The following KIF16B variants were observed in gnomAD, a reference collection of about 807,000 sequenced individuals.
KIF16B encodes kinesin-like protein KIF16B.
In KIF16B, 98 loss-of-function variants were observed where a neutral mutation model predicts 156.3. The ratio of observed to expected loss-of-function variants is 0.63; its 90% CI spans 0.53 to 0.74. The LOEUF (loss-of-function observed/expected upper bound fraction) is 0.74. Among genes scored for constraint, KIF16B ranks in the 30% least tolerant of loss-of-function variants. The pLI, the probability that KIF16B is intolerant of heterozygous loss-of-function variation, is 0.00. For missense variants in KIF16B, 1,421 were observed against 1,606.5 expected (o/e 0.88, Z 1.97); for synonymous variants, 564 against 583.7 (o/e 0.97, Z 0.49).
chr20:16,518,242 A>T (rs1377185583), intron 3 of KIF16B, among the ~76,000 whole-genome samples: 1 of 152,172 alleles, frequency 6.6e-6, no homozygotes, highest in Admixed American at 6.6e-5. Context: ...GGTCTTGGCA[A>T]GGAAATCGAG....
At chr20:16,367,491 C>T (rs2064700027) in intron 22 of KIF16B, 1 of 1,612,900 alleles carries the variant, frequency 6.2e-7, no homozygotes. Flanking sequence ...CACAGTCTTC[C>T]TTCACCAGTG....
intron 25 of KIF16B, among the ~76,000 whole-genome samples, chr20:16,279,687 A>G (rs764868709): frequency 6.6e-6 from 1 of 152,306 alleles, no homozygotes; most frequent in Non-Finnish European, 1.5e-5. Flanking sequence ...CAGATAGGTC[A>G]GAGTATCCCG....
chr20:16,349,381 A>G (rs991897637), intron 23 of KIF16B, among the ~76,000 whole-genome samples: 1 of 152,138 alleles, frequency 6.6e-6, no homozygotes, highest in African/African-American at 2.4e-5. Context: ...GGAGGCCACC[A>G]TGTCATCAAG....
intron 25 of KIF16B, among the ~76,000 whole-genome samples, chr20:16,281,823 A>G (rs1461434158): frequency 6.6e-6 from 1 of 151,640 alleles, no homozygotes; most frequent in African/African-American, 2.4e-5. Context: ...ACCATCCTCC[A>G]CTGCTCAGAG....
intron 12 of KIF16B, among the ~76,000 whole-genome samples, chr20:16,447,054 C>CT (rs764699837): frequency 2.0e-5 from 3 of 152,134 alleles, no homozygotes; most frequent in Non-Finnish European, 4.4e-5. Flanking sequence ...CCCTTGGAAA[C>CT]TAAGTGAGCA....
chr20:16,514,582 GAAAAAAAAAAAAA>G (rs540602451), intron 4 of KIF16B, among the ~76,000 whole-genome samples: 4 of 76,948 alleles, frequency 5.2e-5, no homozygotes, highest in Non-Finnish European at 7.5e-5. Context: ...TAAGAAATAA[GAAAAAAAAAAAAA>G]AAAAAAAAAA....
intron 25 of KIF16B, among the ~76,000 whole-genome samples, chr20:16,278,687 C>T (rs2328013): frequency 0.32 from 48,440 of 152,010 alleles, 9,289 homozygotes; most frequent in East Asian, 0.94. Flanking sequence ...AACACAAAAT[C>T]CTGTACAGGA....
At chr20:16,353,289 G>A (rs939519091) in intron 23 of KIF16B, among the ~76,000 whole-genome samples, 5 of 152,046 alleles carry the variant, frequency 3.3e-5, no homozygotes, top group African/African-American at 1.2e-4. Context: ...CGCATGAAAT[G>A]TCCAAATGAC....
At chr20:16,372,772 A>G (rs1018942336) in intron 20 of KIF16B, among the ~76,000 whole-genome samples, 2 of 152,140 alleles carry the variant, frequency 1.3e-5, no homozygotes, top group African/African-American at 4.8e-5. Context: ...ATCTTGGCTC[A>G]CTGCAACCTC....
intron 25 of KIF16B, among the ~76,000 whole-genome samples, chr20:16,280,660 G>A (rs780144428): frequency 2.2e-4 from 33 of 152,334 alleles, no homozygotes; most frequent in Non-Finnish European, 3.2e-4. Flanking sequence ...CAGGTCATAA[G>A]AGGCTGACAA....
At chr20:16,437,908 G>A (rs1023683250) in intron 12 of KIF16B, among the ~76,000 whole-genome samples, 19 of 151,686 alleles carry the variant, frequency 1.3e-4, no homozygotes, top group African/African-American at 3.6e-4. Context: ...TGAGATGGGC[G>A]GATCACTTGA....
chr20:16,543,310 C>T (rs2070276760), intron 1 of KIF16B, among the ~76,000 whole-genome samples: 1 of 152,142 alleles, frequency 6.6e-6, no homozygotes, highest in Non-Finnish European at 1.5e-5. Context: ...CCCACCTATC[C>T]CCAATTCCAG....
chr20:16,563,832 AT>A (rs1443974668), intron 1 of KIF16B, among the ~76,000 whole-genome samples: 7 of 152,180 alleles, frequency 4.6e-5, no homozygotes, highest in Admixed American at 4.6e-4. Flanking sequence ...ACACAAAGAT[AT>A]TTTAAAATAT....
chr20:16,413,654 T>C (rs2066013281), intron 15 of KIF16B, among the ~76,000 whole-genome samples: 1 of 152,100 alleles, frequency 6.6e-6, no homozygotes, highest in Non-Finnish European at 1.5e-5. Flanking sequence ...AGGCCCTTTG[T>C]AATTCTGTTT....
intron 25 of KIF16B, among the ~76,000 whole-genome samples, chr20:16,300,227 GAAGAAC>G (rs1208099442): frequency 1.3e-5 from 2 of 152,110 alleles, no homozygotes; most frequent in East Asian, 3.8e-4. Flanking sequence ...TTGAGTTTGG[GAAGAAC>G]AAGTGAATAA....
At chr20:16,335,846 G>C in intron 24 of KIF16B, 80 bp downstream of exon 24, 1 of 844,352 alleles carries the variant, frequency 1.2e-6, no homozygotes, top group Non-Finnish European at 1.9e-6. Flanking sequence ...CAGAGAGAGA[G>C]ATAACATTGC....
At chr20:16,516,421 A>G (rs758282510) in intron 3 of KIF16B, among the ~76,000 whole-genome samples, 2 of 152,216 alleles carry the variant, frequency 1.3e-5, no homozygotes, top group Non-Finnish European at 2.9e-5. Flanking sequence ...CAAGGTTCAA[A>G]GTCTTAGTTA....
intron 25 of KIF16B, among the ~76,000 whole-genome samples, chr20:16,296,845 T>C (rs1184594699): frequency 2.6e-5 from 4 of 152,252 alleles, no homozygotes; most frequent in Non-Finnish European, 4.4e-5. Context: ...AGGGTGTTTT[T>C]GGATGAGATT....
chr20:16,434,398 AATC>A (rs2066587471), intron 12 of KIF16B, among the ~76,000 whole-genome samples: 1 of 152,212 alleles, frequency 6.6e-6, no homozygotes, highest in South Asian at 2.1e-4. Context: ...TAGCTCTTTT[AATC>A]ACAACCACAT....
Sources: allele counts gnomAD v4.1 joint callset (sites outside exome capture counted in the v4.1 genomes callset), GRCh38; gene constraint gnomAD v4.1.1; transcripts MANE v1.5; gene names NCBI Gene and HGNC (gene_info 2026-07-23, HGNC 2026-07-21).